FHIT: variants seen among roughly 807,000 people sequenced by gnomAD.
FHIT encodes the protein fragile histidine triad diadenosine triphosphatase.
Under a neutral mutation model 17.9 loss-of-function variants are expected in FHIT, and 19 were observed. That is an observed-to-expected ratio of 1.06 (90% CI 0.74 to 1.56). The LOEUF is 1.56. FHIT is among the 40% of genes most tolerant of loss of function. The probability of loss-of-function intolerance (pLI) is 0.00; values close to 1 mark genes in which losing one functional copy is unlikely to be tolerated. For missense variants in FHIT, 248 were observed against 189.2 expected (o/e 1.31, Z -1.82); for synonymous variants, 81 against 69.7 (o/e 1.16, Z -0.81).
At chr3:60,221,512 A>G (rs1703958247) in intron 5 of FHIT, among the ~76,000 whole-genome samples, 2 of 152,222 alleles carry the variant, frequency 1.3e-5, no homozygotes, top group African/African-American at 2.4e-5. Flanking sequence ...TCTTCAGCTA[A>G]AAGTACTCCA....
chr3:60,131,628 G>A (rs748474612), intron 5 of FHIT, among the ~76,000 whole-genome samples: 1 of 152,022 alleles, frequency 6.6e-6, no homozygotes, highest in Non-Finnish European at 1.5e-5. Context: ...CCACAGATAT[G>A]TCTCCTTCTC....
chr3:61,121,003 A>G (rs1380267009), intron 2 of FHIT, among the ~76,000 whole-genome samples: 1 of 151,784 alleles, frequency 6.6e-6, no homozygotes, highest in Non-Finnish European at 1.5e-5. Flanking sequence ...CAGAGATTGA[A>G]GATCAACTTA....
chr3:60,367,597 GATTT>G (rs1700161253), intron 5 of FHIT, among the ~76,000 whole-genome samples: 1 of 152,198 alleles, frequency 6.6e-6, no homozygotes, highest in South Asian at 2.1e-4. Context: ...AATTTGCCTT[GATTT>G]ATTATGCAAA....
intron 5 of FHIT, among the ~76,000 whole-genome samples, chr3:60,317,173 T>C (rs1314102108): frequency 6.7e-6 from 1 of 148,548 alleles, no homozygotes; most frequent in Non-Finnish European, 1.5e-5. Context: ...AAAATTCAAA[T>C]GGCTTATATT....
intron 3 of FHIT, among the ~76,000 whole-genome samples, chr3:61,011,127 T>C (rs2031766249): frequency 6.6e-6 from 1 of 152,214 alleles, no homozygotes; most frequent in South Asian, 2.1e-4. Flanking sequence ...GACTTACTTA[T>C]TCATTCTTAA....
chr3:60,795,039 A>C (rs562521120), intron 4 of FHIT, among the ~76,000 whole-genome samples: 1 of 152,318 alleles, frequency 6.6e-6, no homozygotes, highest in South Asian at 2.1e-4. Flanking sequence ...TGTATGACAC[A>C]TACACATATG....
intron 1 of FHIT, among the ~76,000 whole-genome samples, chr3:61,232,259 C>T (rs1475084370): frequency 1.3e-5 from 2 of 152,116 alleles, no homozygotes; most frequent in Admixed American, 6.5e-5. Flanking sequence ...CCATGGTGTA[C>T]ACCTGTAATC....
chr3:59,783,466 T>A (rs1252231650), intron 8 of FHIT, among the ~76,000 whole-genome samples: 1 of 152,068 alleles, frequency 6.6e-6, no homozygotes, highest in Non-Finnish European at 1.5e-5. Flanking sequence ...AGACTTGATC[T>A]CACAAAAAAC....
At chr3:60,855,726 T>C (rs1238512315) in intron 3 of FHIT, among the ~76,000 whole-genome samples, 2 of 152,128 alleles carry the variant, frequency 1.3e-5, no homozygotes, top group East Asian at 3.8e-4. Flanking sequence ...CAAAACTACA[T>C]TCATTGTCGT....
At chr3:60,030,720 A>G (rs1185201744) in intron 5 of FHIT, among the ~76,000 whole-genome samples, 1 of 152,100 alleles carries the variant, frequency 6.6e-6, no homozygotes, top group Non-Finnish European at 1.5e-5. Context: ...GGGTCAATGG[A>G]TGGATGGATG....
intron 5 of FHIT, among the ~76,000 whole-genome samples, chr3:60,029,160 T>A (rs1291879564): frequency 1.3e-5 from 2 of 152,248 alleles, no homozygotes; most frequent in African/African-American, 4.8e-5. Context: ...TATTTCTTTA[T>A]ACTCTGATAA....
intron 4 of FHIT, among the ~76,000 whole-genome samples, chr3:60,805,870 G>T (rs1553733880): frequency 6.6e-6 from 1 of 152,062 alleles, no homozygotes. Flanking sequence ...ACCTTTAAAG[G>T]GGTAATTAAG....
chr3:60,371,032 T>C (rs1015130432), intron 5 of FHIT, among the ~76,000 whole-genome samples: 8 of 152,174 alleles, frequency 5.3e-5, no homozygotes, highest in Non-Finnish European at 8.8e-5. Flanking sequence ...CCTAAGCCGT[T>C]TGCACAAGGC....
At chr3:60,717,394 A>T (rs1400389400) in intron 4 of FHIT, among the ~76,000 whole-genome samples, 1 of 152,158 alleles carries the variant, frequency 6.6e-6, no homozygotes, top group Non-Finnish European at 1.5e-5. Flanking sequence ...CAATGTATAC[A>T]TATATCAAAA....
chr3:60,331,937 C>T (rs1709999400), intron 5 of FHIT, among the ~76,000 whole-genome samples: 1 of 151,974 alleles, frequency 6.6e-6, no homozygotes, highest in Admixed American at 6.6e-5. Flanking sequence ...ATGATTCTCC[C>T]ACATTATTAA....
At chr3:60,340,854 G>A (rs1485429851) in intron 5 of FHIT, among the ~76,000 whole-genome samples, 1 of 151,946 alleles carries the variant, frequency 6.6e-6, no homozygotes, top group Non-Finnish European at 1.5e-5. Flanking sequence ...ACCATGCCTG[G>A]CTAATTTTTG....
At chr3:59,785,550 C>T (rs111858760) in intron 8 of FHIT, among the ~76,000 whole-genome samples, 23,177 of 152,068 alleles carry the variant, frequency 0.15, 1,964 homozygotes, top group Admixed American at 0.2. Flanking sequence ...AACTCCTGAC[C>T]TCAAGTGATC....
At chr3:60,553,298 TTGGTTA>T in intron 4 of FHIT, 1 of 449,716 alleles carries the variant, frequency 2.2e-6, no homozygotes, top group South Asian at 9.3e-5. Flanking sequence ...ATACATTGTT[TTGGTTA>T]AAGTTGTAGT....
intron 5 of FHIT, among the ~76,000 whole-genome samples, chr3:60,190,049 A>G (rs972674486): frequency 1.3e-4 from 20 of 152,162 alleles, no homozygotes; most frequent in African/African-American, 4.3e-4. Flanking sequence ...TGTTTCTTTT[A>G]AGTCAGCTAC....
Sources: allele counts gnomAD v4.1 joint callset (sites outside exome capture counted in the v4.1 genomes callset), GRCh38; gene constraint gnomAD v4.1.1; transcripts MANE v1.5; gene names NCBI Gene and HGNC (gene_info 2026-07-23, HGNC 2026-07-21).